Variants in KDM4C observed in about 807,000 individuals in gnomAD.
The protein encoded by KDM4C is lysine demethylase 4C, also known as lysine-specific demethylase 4C.
In KDM4C, 81 loss-of-function variants were observed where a neutral mutation model predicts 129.3. The observed-to-expected ratio is 0.63, with a 90% CI of 0.52 to 0.75. The LOEUF (loss-of-function observed/expected upper bound fraction) is 0.75. Ranked by LOEUF, KDM4C falls within the 30% of genes least tolerant of loss-of-function variation. The probability of loss-of-function intolerance (pLI) is 0.00; values close to 1 mark genes in which losing one functional copy is unlikely to be tolerated. For missense variants in KDM4C, 1,457 were observed against 1,304.0 expected, an observed-to-expected ratio of 1.12 and a Z score of -1.81; for synonymous variants, 573 against 456.1, an observed-to-expected ratio of 1.26 and a Z score of -3.26.
At chr9:7,090,627 C>G (rs1025002311) in intron 17 of KDM4C, among the ~76,000 whole-genome samples, 1 of 152,178 alleles carries the variant, frequency 6.6e-6, no homozygotes, top group Non-Finnish European at 1.5e-5. Context: ...TTGGAATGGA[C>G]TGCTTGTGTT....
intron 1 of KDM4C, among the ~76,000 whole-genome samples, chr9:6,767,362 C>G (rs922816625): frequency 6.6e-6 from 1 of 151,654 alleles, no homozygotes; most frequent in African/African-American, 2.4e-5. Context: ...AGGATGGTCT[C>G]GAACTCCTGA....
intron 5 of KDM4C, among the ~76,000 whole-genome samples, chr9:6,853,607 G>GTT (rs1489468968): frequency 1.3e-5 from 2 of 152,248 alleles, no homozygotes. Context: ...TGTGTGGCAG[G>GTT]TTTGCGGAGT....
At chr9:6,947,386 AT>A (rs1827164226) in intron 8 of KDM4C, among the ~76,000 whole-genome samples, 1 of 151,818 alleles carries the variant, frequency 6.6e-6, no homozygotes, top group African/African-American at 2.4e-5. Context: ...TTTATATTTC[AT>A]TTTCCTGTTA....
chr9:7,114,584 T>A (rs770102880), intron 18 of KDM4C, among the ~76,000 whole-genome samples: 2 of 152,190 alleles, frequency 1.3e-5, no homozygotes, highest in Non-Finnish European at 2.9e-5. Context: ...TATTCTGTCC[T>A]TATAAAACTG....
At chr9:6,855,520 T>A (rs1839659633) in intron 5 of KDM4C, among the ~76,000 whole-genome samples, 1 of 146,572 alleles carries the variant, frequency 6.8e-6, no homozygotes, top group Admixed American at 6.8e-5. Flanking sequence ...TTTTTCCCAG[T>A]GTTTGTAGTT....
At chr9:6,740,969 C>T (rs111580042) in intron 1 of KDM4C, among the ~76,000 whole-genome samples, 19,235 of 151,354 alleles carry the variant, frequency 0.13, 1,440 homozygotes, top group South Asian at 0.21. Context: ...GGACTACAGA[C>T]GCATGCCACC....
chr9:6,956,453 G>C (rs1472542631), intron 8 of KDM4C, among the ~76,000 whole-genome samples: 2 of 152,128 alleles, frequency 1.3e-5, no homozygotes, highest in Non-Finnish European at 2.9e-5. Context: ...TCTTGTAATT[G>C]GTGTTTGTTG....
chr9:6,953,100 C>A (rs1476558960), intron 8 of KDM4C, among the ~76,000 whole-genome samples: 1 of 152,190 alleles, frequency 6.6e-6, no homozygotes, highest in East Asian at 1.9e-4. Flanking sequence ...TTAGAAAATT[C>A]CTTGCCAACG....
chr9:6,766,994 A>T (rs1588131426), intron 1 of KDM4C, among the ~76,000 whole-genome samples: 1 of 152,026 alleles, frequency 6.6e-6, no homozygotes, highest in East Asian at 1.9e-4. Context: ...GATCATTAGT[A>T]TATTGTTGAT....
At chr9:7,147,021 A>T (rs944785844) in intron 19 of KDM4C, among the ~76,000 whole-genome samples, 24 of 152,106 alleles carry the variant, frequency 1.6e-4, no homozygotes, top group Admixed American at 1.0e-3. Context: ...GATGTGATTC[A>T]CTCAATATTC....
At chr9:6,924,428 G>C (rs1328524285) in intron 8 of KDM4C, among the ~76,000 whole-genome samples, 2 of 152,164 alleles carry the variant, frequency 1.3e-5, no homozygotes, top group Admixed American at 6.5e-5. Context: ...AAGAGGAGGA[G>C]AGTGAGGGCC....
In KDM4C at chr9:6,894,912, C is replaced by G. The variant is rs902031251; in HGVS notation, c.921+1680C>G. Among the ~76,000 whole-genome samples, 5 of 152,214 alleles carry G rather than the reference C, an allele frequency of 3.3e-5. 1 individual carries two copies. The highest frequency in any genetic ancestry group is 1.2e-4 in the African/African-American group (5 of 41,452). On this transcript the variant is annotated intron_variant, in intron 8 of 21. Coordinates refer to ENST00000381309, the MANE Select transcript of KDM4C (RefSeq NM_015061.6). The stretch of plus-strand genomic sequence containing the variant: ...CTTCATATATAAATTAGAAATACCT[C>G]TCTACCCTATGGGTTAGAGAAAAGA...
chr9:6,757,333 T>A (rs1436731478), upstream of KDM4C, among the ~76,000 whole-genome samples: 1 of 142,576 alleles, frequency 7.0e-6, no homozygotes, highest in Admixed American at 6.9e-5. Context: ...AGAGCACACT[T>A]GGGCGGGTCG....
At chr9:6,733,638 G>GCCCT (rs1182203956) in intron 1 of KDM4C, among the ~76,000 whole-genome samples, 1 of 152,232 alleles carries the variant, frequency 6.6e-6, no homozygotes, top group East Asian at 1.9e-4. Context: ...GACCCCAAGA[G>GCCCT]AGGGTTGTTG....
At chr9:6,844,150 C>G (rs1050619837) in intron 4 of KDM4C, among the ~76,000 whole-genome samples, 4 of 151,946 alleles carry the variant, frequency 2.6e-5, no homozygotes, top group Admixed American at 6.6e-5. Context: ...TTTAAAAAAG[C>G]TTTTTCTCTG....
chr9:6,932,134 T>C (rs1823864166), intron 8 of KDM4C, among the ~76,000 whole-genome samples: 1 of 152,138 alleles, frequency 6.6e-6, no homozygotes, highest in African/African-American at 2.4e-5. Context: ...ATGATTAGAA[T>C]GTCATCAGGC....
At chr9:6,997,895 T>G (rs1820056951) in intron 12 of KDM4C, among the ~76,000 whole-genome samples, 1 of 152,220 alleles carries the variant, frequency 6.6e-6, no homozygotes. Flanking sequence ...CAACTATAAT[T>G]TTATGTTTTC....
chr9:6,793,668 GTAGC>G (rs1406367773), intron 2 of KDM4C, among the ~76,000 whole-genome samples: 5 of 151,498 alleles, frequency 3.3e-5, no homozygotes, highest in African/African-American at 1.2e-4. Context: ...GCCTCCCGAA[GTAGC>G]TGGGATTACA....
At chr9:6,759,570 CAG>C (rs1490624584) in intron 1 of KDM4C, among the ~76,000 whole-genome samples, 2 of 152,162 alleles carry the variant, frequency 1.3e-5, no homozygotes, top group African/African-American at 4.8e-5. Context: ...ATAAGCTTTA[CAG>C]TATCCCGCAA....
Sources: allele counts gnomAD v4.1 joint callset (sites outside exome capture counted in the v4.1 genomes callset), GRCh38; gene constraint gnomAD v4.1.1; transcripts MANE v1.5; gene names NCBI Gene and HGNC (gene_info 2026-07-23, HGNC 2026-07-21).